Variants in CD47 observed in about 807,000 individuals in gnomAD.
CD47 encodes the protein CD47 molecule.
A neutral mutation model predicts 44.6 loss-of-function variants in CD47; 11 were observed. That is an observed-to-expected ratio of 0.25 (90% CI 0.16 to 0.41). The LOEUF is 0.41. Among genes scored for constraint, CD47 ranks in the 10% least tolerant of loss-of-function variants. The pLI is 1.00. For synonymous variants in CD47, 140 were observed against 136.3 expected (o/e 1.03, Z -0.19); for missense variants, 306 against 386.7 (o/e 0.79, Z 1.75).
At chr3:108,087,964 T>C (rs2079553577) in intron 1 of CD47, among the ~76,000 whole-genome samples, 1 of 152,212 alleles carries the variant, frequency 6.6e-6, no homozygotes, top group South Asian at 2.1e-4. Flanking sequence ...TCCTACACTA[T>C]TATTCTTGTT....
intron 8 of CD47, 60 bp from the exon 9 acceptor site, chr3:108,050,662 G>A: frequency 1.6e-6 from 1 of 614,308 alleles, no homozygotes; most frequent in East Asian, 3.2e-5. Context: ...TCATTTTATA[G>A]TAAAACTTAT....
In CD47 at chr3:108,047,206, T is replaced by C; in HGVS notation, c.*82A>G. ...GTTTCTTCTCCCCAACAGTGAATCA[T>C]CAAGGCCATGGTGCTTAAACACAAG... On this transcript the variant is annotated 3_prime_UTR_variant, in exon 11 of 11. Coordinates refer to ENST00000361309, the MANE Select transcript of CD47 (RefSeq NM_001777.4). 8.7e-7 allele frequency: 1 copy of C among 1,151,554 alleles called. No individual in the cohort carries two copies. The highest frequency in any genetic ancestry group is 1.3e-6 in the Non-Finnish European group (1 of 778,722). The allele number at this position is 1,151,554 out of a possible 1,614,324, so 71.3% of individuals were successfully genotyped here.
chr3:108,083,243 C>T (rs1387734358), intron 1 of CD47, among the ~76,000 whole-genome samples: 1 of 151,790 alleles, frequency 6.6e-6, no homozygotes, highest in Non-Finnish European at 1.5e-5. Context: ...TATCAAATGC[C>T]AAAAGTATTA....
chr3:108,087,504 C>T (rs993056713), intron 1 of CD47, among the ~76,000 whole-genome samples: 5 of 152,152 alleles, frequency 3.3e-5, no homozygotes, highest in African/African-American at 1.2e-4. Flanking sequence ...TGTCTATATA[C>T]TACATCTTAA....
chr3:108,050,173 G>A (rs371567834), intron 9 of CD47, among the ~76,000 whole-genome samples: 7 of 151,854 alleles, frequency 4.6e-5, no homozygotes, highest in African/African-American at 1.2e-4. Context: ...GCTGGAGTGC[G>A]GTGGCATGAT....
intron 3 of CD47, among the ~76,000 whole-genome samples, chr3:108,067,686 C>A (rs537067359): frequency 7.2e-5 from 11 of 152,186 alleles, no homozygotes; most frequent in Non-Finnish European, 1.0e-4. Flanking sequence ...CATAGAGATT[C>A]TGCTTAAAAG....
intron 3 of CD47, among the ~76,000 whole-genome samples, chr3:108,063,237 C>A (rs953475604): frequency 1.3e-4 from 20 of 152,176 alleles, no homozygotes. Flanking sequence ...GTAGCCATTT[C>A]CAACAAATAC....
intron 1 of CD47, among the ~76,000 whole-genome samples, chr3:108,089,427 A>T (rs1423100972): frequency 6.6e-6 from 1 of 152,216 alleles, no homozygotes; most frequent in Non-Finnish European, 1.5e-5. Flanking sequence ...TACCTGTTTT[A>T]AAAATAGTAT....
At chr3:108,083,231 T>C (rs1306073357) in intron 1 of CD47, among the ~76,000 whole-genome samples, 2 of 152,010 alleles carry the variant, frequency 1.3e-5, no homozygotes, top group Non-Finnish European at 2.9e-5. Context: ...AAAATGATTT[T>C]ATATCAAATG....
chr3:108,069,519 T>C (rs959270907), intron 3 of CD47, among the ~76,000 whole-genome samples: 1 of 151,752 alleles, frequency 6.6e-6, no homozygotes, highest in African/African-American at 2.4e-5. Flanking sequence ...GAGTTTTTTT[T>C]TTTTTTTTTT....
At chr3:108,062,329 G>A (rs1446022068) in intron 3 of CD47, among the ~76,000 whole-genome samples, 1 of 152,102 alleles carries the variant, frequency 6.6e-6, no homozygotes, top group African/African-American at 2.4e-5. Context: ...GAATGAAACT[G>A]AGTGTATAAG....
At chr3:108,080,980 T>C (rs2079407083) in intron 1 of CD47, among the ~76,000 whole-genome samples, 1 of 151,508 alleles carries the variant, frequency 6.6e-6, no homozygotes. Context: ...CATAGCAAAA[T>C]ATAGGCAGCA....
intron 3 of CD47, among the ~76,000 whole-genome samples, chr3:108,061,983 A>T (rs1391052772): frequency 6.6e-6 from 1 of 152,228 alleles, no homozygotes; most frequent in East Asian, 1.9e-4. Context: ...AAGGTATATG[A>T]CAGGTACCTA....
rs1183139044 is a variant in CD47 at position 108,087,031 on chromosome 3, C to T, written c.46+3832G>A. Among the ~76,000 whole-genome samples, 5 of 152,104 alleles carry T rather than the reference C, an allele frequency of 3.3e-5. No homozygotes were observed. The East Asian group carries it at 9.6e-4, about 29-fold the overall frequency. On this transcript the variant is annotated intron_variant, in intron 1 of 10. Coordinates refer to ENST00000361309, the MANE Select transcript of CD47 (RefSeq NM_001777.4). ...AAGCAGAGGGAGTCCAAACCACACA[C>T]CACTATTTTTTGCAGTAGAGTAGGA...
At chr3:108,088,155 A>G (rs2108276496) in intron 1 of CD47, among the ~76,000 whole-genome samples, 1 of 152,364 alleles carries the variant, frequency 6.6e-6, no homozygotes, top group East Asian at 1.9e-4. Context: ...TTATGCCACA[A>G]AAAGAACATT....
At chr3:108,079,424 C>T (rs183637069) in intron 2 of CD47, among the ~76,000 whole-genome samples, 1 of 151,380 alleles carries the variant, frequency 6.6e-6, no homozygotes, top group Non-Finnish European at 1.5e-5. Flanking sequence ...TTTTGGCCAA[C>T]AAAAAGAAGA....
At chr3:108,077,691 T>C (rs915352978) in intron 2 of CD47, among the ~76,000 whole-genome samples, 16 of 152,002 alleles carry the variant, frequency 1.1e-4, no homozygotes, top group African/African-American at 3.9e-4. Context: ...GATATATTCA[T>C]ACTATGGACT....
intron 9 of CD47, among the ~76,000 whole-genome samples, chr3:108,049,985 G>A (rs1416780348): frequency 1.3e-5 from 2 of 152,206 alleles, no homozygotes; most frequent in African/African-American, 4.8e-5. Context: ...GGGGTGCCAT[G>A]CTTCGTCTCA....
intron 1 of CD47, among the ~76,000 whole-genome samples, chr3:108,086,826 C>G (rs1334473977): frequency 6.6e-6 from 1 of 152,036 alleles, no homozygotes; most frequent in Non-Finnish European, 1.5e-5. Flanking sequence ...ATCTAAGATG[C>G]AAGACTGAAG....
Sources: gnomAD v4.1 joint callset for allele counts (sites outside exome capture counted in the v4.1 genomes callset) on GRCh38, gnomAD v4.1.1 for gene constraint, MANE v1.5 for transcripts, NCBI Gene and HGNC (gene_info 2026-07-23, HGNC 2026-07-21) for gene names.